The following MAP3K13 variants were observed in gnomAD, a reference collection of about 807,000 sequenced individuals.
MAP3K13 encodes the protein mitogen-activated protein kinase kinase kinase 13, also known as leucine zipper-bearing kinase.
A neutral mutation model predicts 104.0 loss-of-function variants in MAP3K13; 52 were observed. That is an observed-to-expected ratio of 0.50 (90% CI 0.40 to 0.63). The LOEUF (loss-of-function observed/expected upper bound fraction) is 0.63. MAP3K13 is among the 20% of genes least tolerant of loss of function. MAP3K13 has a pLI of 0.00. For missense variants in MAP3K13, 914 were observed against 1,218.5 expected, an observed-to-expected ratio of 0.75 and a Z score of 3.72; for synonymous variants, 394 against 442.2, an observed-to-expected ratio of 0.89 and a Z score of 1.37.
intron 1 of MAP3K13, among the ~76,000 whole-genome samples, chr3:185,391,176 CTT>C (rs1712031662): frequency 6.6e-6 from 1 of 152,180 alleles, no homozygotes; most frequent in Non-Finnish European, 1.5e-5. Flanking sequence ...CCACAGAACT[CTT>C]TTCATTTTGT....
At chr3:185,379,439 A>G (rs111309321) in intron 1 of MAP3K13, among the ~76,000 whole-genome samples, 169 of 152,296 alleles carry the variant, frequency 1.1e-3, no homozygotes, top group Non-Finnish European at 1.9e-3. Flanking sequence ...TGGAGAAGAG[A>G]GTAAAAAGAG....
At chr3:185,371,737 C>A (rs4687278) in intron 1 of MAP3K13, among the ~76,000 whole-genome samples, 127,216 of 152,126 alleles carry the variant, frequency 0.84, 53,944 homozygotes, top group Non-Finnish European at 0.91. Flanking sequence ...CCAGGACAGC[C>A]GTTTCCACCT....
chr3:185,313,502 C>G (rs1046150901), intron 2 of MAP3K13, among the ~76,000 whole-genome samples: 8 of 151,916 alleles, frequency 5.3e-5, no homozygotes, highest in Non-Finnish European at 1.0e-4. Flanking sequence ...ATGTCTTCAC[C>G]TCGTGATCTG....
chr3:185,338,352 T>C (rs1458455875), intron 2 of MAP3K13, among the ~76,000 whole-genome samples: 2 of 139,654 alleles, frequency 1.4e-5, no homozygotes, highest in Non-Finnish European at 3.1e-5. Context: ...AAAAAAGACA[T>C]GAAAAACAAG....
At position 185,447,879 on chromosome 3, in the gene MAP3K13, T is replaced by C; in HGVS notation, c.942T>C (p.Ala314=). The C allele has an allele frequency of 6.2e-7, 1 of 1,614,156 alleles. No individual in the cohort carries two copies. The highest frequency in any genetic ancestry group is 2.2e-5 in the East Asian group (1 of 44,890). Residue 314 remains alanine, a synonymous_variant, in exon 5 of 14, where the codon GCT becomes GCC. Transcript: ENST00000265026. ...LSDKSTKMSF[A]GTVAWMAPEV... Reference sequence around the variant, plus strand: ...ACAAAAGTACCAAGATGTCATTTGCTGGCACGGTCGCATGGATGGCGCCAG... The same window carrying C: ...ACAAAAGTACCAAGATGTCATTTGCCGGCACGGTCGCATGGATGGCGCCAG...
chr3:185,398,779 T>C (rs1030774152), intron 1 of MAP3K13, among the ~76,000 whole-genome samples: 2 of 152,220 alleles, frequency 1.3e-5, no homozygotes, highest in African/African-American at 4.8e-5. Context: ...GCAGATTATG[T>C]TGAATCAGAC....
chr3:185,381,259 G>A (rs1560075762), intron 1 of MAP3K13, among the ~76,000 whole-genome samples: 2 of 152,204 alleles, frequency 1.3e-5, no homozygotes, highest in Non-Finnish European at 2.9e-5. Context: ...ACGGCGTCCA[G>A]CCAAGAGGAA....
intron 2 of MAP3K13, among the ~76,000 whole-genome samples, chr3:185,354,103 G>A (rs1417677345): frequency 6.6e-6 from 1 of 152,036 alleles, no homozygotes; most frequent in East Asian, 2.0e-4. Context: ...GCTATCATCT[G>A]GTCTAGGAAG....
intron 12 of MAP3K13, among the ~76,000 whole-genome samples, chr3:185,479,641 G>C (rs539455457): frequency 1.6e-4 from 25 of 152,326 alleles, no homozygotes; most frequent in African/African-American, 6.0e-4. Flanking sequence ...TAAACCAAAT[G>C]AAAGGGGAAA....
chr3:185,398,567 G>T (rs1712565569), intron 1 of MAP3K13, among the ~76,000 whole-genome samples: 1 of 152,112 alleles, frequency 6.6e-6, no homozygotes, highest in African/African-American at 2.4e-5. Flanking sequence ...GAAGAGCAGG[G>T]ACTATTTCTT....
intron 2 of MAP3K13, among the ~76,000 whole-genome samples, chr3:185,340,369 T>C (rs1467337672): frequency 6.6e-6 from 1 of 152,042 alleles, no homozygotes; most frequent in Non-Finnish European, 1.5e-5. Flanking sequence ...TGCAGCCTAA[T>C]AGGTTGGGAG....
chr3:185,452,655 T>C (rs1715958465), intron 7 of MAP3K13, among the ~76,000 whole-genome samples: 2 of 152,218 alleles, frequency 1.3e-5, no homozygotes, highest in Non-Finnish European at 2.9e-5. Flanking sequence ...CTCGTGTGTC[T>C]GTGGTGAATT....
chr3:185,394,039 G>A (rs1406450906), intron 1 of MAP3K13, among the ~76,000 whole-genome samples: 1 of 152,182 alleles, frequency 6.6e-6, no homozygotes, highest in African/African-American at 2.4e-5. Context: ...AGATGTGGAT[G>A]TTGGAACAGG....
At chr3:185,474,554 T>C (rs1717999382) in intron 11 of MAP3K13, among the ~76,000 whole-genome samples, 1 of 152,198 alleles carries the variant, frequency 6.6e-6, no homozygotes, top group Non-Finnish European at 1.5e-5. Context: ...TAACCGAGCA[T>C]TTCCCTCACC....
chr3:185,351,563 C>T (rs1212077867), intron 2 of MAP3K13, among the ~76,000 whole-genome samples: 1 of 152,038 alleles, frequency 6.6e-6, no homozygotes, highest in Non-Finnish European at 1.5e-5. Flanking sequence ...CCATGAATTC[C>T]AAGACTATGG....
intron 1 of MAP3K13, among the ~76,000 whole-genome samples, chr3:185,375,900 C>T (rs1283796244): frequency 6.6e-6 from 1 of 152,116 alleles, no homozygotes; most frequent in African/African-American, 2.4e-5. Flanking sequence ...TATTTAGAGT[C>T]AGTATAAATA....
chr3:185,287,134 T>G (rs1720541896), intron 2 of MAP3K13, among the ~76,000 whole-genome samples: 1 of 152,224 alleles, frequency 6.6e-6, no homozygotes, highest in African/African-American at 2.4e-5. Flanking sequence ...TGCTTAGTCT[T>G]GCTGAATTCA....
intron 2 of MAP3K13, among the ~76,000 whole-genome samples, chr3:185,303,783 G>A (rs1318945752): frequency 6.7e-6 from 1 of 149,216 alleles, no homozygotes; most frequent in African/African-American, 2.5e-5. Flanking sequence ...TAGTTTTGCT[G>A]ATTTCTTTCT....
intron 2 of MAP3K13, among the ~76,000 whole-genome samples, chr3:185,334,458 A>G (rs1448854134): frequency 6.6e-6 from 1 of 152,198 alleles, no homozygotes; most frequent in Non-Finnish European, 1.5e-5. Flanking sequence ...TGCCTTGAGG[A>G]CAGGCAGATT....
Sources: gnomAD v4.1 joint callset for allele counts (sites outside exome capture counted in the v4.1 genomes callset) on GRCh38, gnomAD v4.1.1 for gene constraint, MANE v1.5 for transcripts, NCBI Gene and HGNC (gene_info 2026-07-23, HGNC 2026-07-21) for gene names.